Variants in FAM241A observed in about 807,000 individuals in gnomAD.
The protein encoded by FAM241A is uncharacterized protein FAM241A.
FAM241A carries 7 observed loss-of-function variants against 12.2 expected under a neutral mutation model. The observed-to-expected ratio is 0.58, with a 90% CI of 0.33 to 1.08. FAM241A has a LOEUF of 1.08. Ranked by LOEUF, FAM241A falls within the 50% of genes least tolerant of loss-of-function variation. The pLI is 0.04. For missense variants in FAM241A, 161 were observed against 169.7 expected, an observed-to-expected ratio of 0.95 and a Z score of 0.29; for synonymous variants, 74 against 68.2, an observed-to-expected ratio of 1.08 and a Z score of -0.42.
intron 1 of FAM241A, chr4:112,171,216 A>G: frequency 1.4e-6 from 1 of 708,526 alleles, no homozygotes; most frequent in Non-Finnish European, 2.6e-6. Context: ...TCCTGCAAAC[A>G]TGGTAAACAT....
chr4:112,152,877 C>G (rs1399616299), intron 1 of FAM241A, among the ~76,000 whole-genome samples: 1 of 152,178 alleles, frequency 6.6e-6, no homozygotes, highest in Non-Finnish European at 1.5e-5. Context: ...TGATGCTACC[C>G]ACCTCTTAAA....
intron 1 of FAM241A, among the ~76,000 whole-genome samples, chr4:112,161,095 G>C (rs1723457488): frequency 6.6e-6 from 1 of 152,160 alleles, no homozygotes; most frequent in Admixed American, 6.5e-5. Flanking sequence ...CAGAAATAAA[G>C]ATGTTCTTTG....
chr4:112,162,435 T>C (rs1009857059), intron 1 of FAM241A, among the ~76,000 whole-genome samples: 1 of 152,204 alleles, frequency 6.6e-6, no homozygotes, highest in South Asian at 2.1e-4. Context: ...CAAAATCTCC[T>C]TAAGCTGATA....
chr4:112,146,589 A>C (rs756586123), intron 1 of FAM241A, among the ~76,000 whole-genome samples: 4 of 152,232 alleles, frequency 2.6e-5, no homozygotes, highest in Non-Finnish European at 5.9e-5. Context: ...TTAGACTCAC[A>C]TTAAGGAGCA....
chr4:112,180,025 A>C (rs1444917496), intron 1 of FAM241A, among the ~76,000 whole-genome samples: 1 of 150,992 alleles, frequency 6.6e-6, no homozygotes, highest in African/African-American at 2.4e-5. Context: ...AGCCCTAAAA[A>C]AAAAACAGTC....
chr4:112,164,408 T>C (rs1028896735), intron 1 of FAM241A, among the ~76,000 whole-genome samples: 1 of 151,576 alleles, frequency 6.6e-6, no homozygotes, highest in Non-Finnish European at 1.5e-5. Context: ...ATGAGAACAC[T>C]TGGACACAAG....
intron 1 of FAM241A, among the ~76,000 whole-genome samples, chr4:112,173,517 G>T (rs1723763903): frequency 1.3e-5 from 2 of 152,148 alleles, no homozygotes; most frequent in South Asian, 4.1e-4. Context: ...ATGGAAAATT[G>T]CCCACTTAAT....
At chr4:112,179,922 T>TATAG (rs1560585428) in intron 1 of FAM241A, among the ~76,000 whole-genome samples, 2 of 126,174 alleles carry the variant, frequency 1.6e-5, no homozygotes, top group African/African-American at 5.8e-5. Context: ...GTGATATATA[T>TATAG]ATATATATAT....
chr4:112,160,690 A>T (rs1723446406), intron 1 of FAM241A, among the ~76,000 whole-genome samples: 1 of 152,218 alleles, frequency 6.6e-6, no homozygotes, highest in African/African-American at 2.4e-5. Flanking sequence ...ACAGTGTGGT[A>T]CTGGCATAAA....
Position 112,145,568 on chromosome 4 carries a change from A to G in FAM241A, c.-13A>G, listed in dbSNP as rs1191040954. ...TCCGGCGGCTGTCCGGGGCGGTAGG[A>G]GTTGGCTGCGGGATGTGCTCAGCCG... On this transcript the variant is annotated 5_prime_UTR_variant, in exon 1 of 2. Transcript: ENST00000309733. 43 of 1,247,098 alleles carry G rather than the reference A, an allele frequency of 3.4e-5. No homozygotes were observed. Among genetic ancestry groups the G allele is most frequent in the Non-Finnish European group, 4.0e-5 (40 of 994,418 alleles). 77.3% of individuals were successfully genotyped at this position (1,247,098 alleles called of 1,614,324 possible).
At chr4:112,161,600 A>T (rs1723470969) in intron 1 of FAM241A, among the ~76,000 whole-genome samples, 2 of 152,210 alleles carry the variant, frequency 1.3e-5, no homozygotes, top group Non-Finnish European at 2.9e-5. Context: ...CCCTCCCAAG[A>T]CTAAACCGGG....
rs1560588176 is a variant in FAM241A at position 112,191,255 on chromosome 4, C to A, written c.*4317C>A. ...TTTTACTTCTAAAAATATAATCTTT[C>A]TACTTCTATTCATTCCTAGCATCAC... On this transcript the variant is annotated 3_prime_UTR_variant, in exon 2 of 2. Transcript: ENST00000309733. The A allele has an allele frequency of 6.6e-6, 1 of 152,182 alleles. No individual in the cohort carries two copies. The highest frequency in any genetic ancestry group is 2.4e-5 in the African/African-American group (1 of 41,440). 9.4% of individuals were successfully genotyped at this position (152,182 alleles called of 1,614,324 possible).
intron 1 of FAM241A, among the ~76,000 whole-genome samples, chr4:112,157,115 T>TA (rs1448820872): frequency 6.6e-6 from 1 of 152,134 alleles, no homozygotes; most frequent in Non-Finnish European, 1.5e-5. Context: ...AAACACGTGT[T>TA]AAAGATTTTA....
At position 112,187,010 on chromosome 4, in the gene FAM241A, T is replaced by C. The variant is rs1724062269; in HGVS notation, c.*72T>C. ...ATTGAAGAAGTTATATATTTCACTTTTTGACAACCGAAAAAGTTTGCCTTG... is the reference window on the plus strand; with the variant it reads ...ATTGAAGAAGTTATATATTTCACTTCTTGACAACCGAAAAAGTTTGCCTTG... On this transcript the variant is annotated 3_prime_UTR_variant, in exon 2 of 2. Transcript: ENST00000309733. 2 of 1,520,898 alleles carry C rather than the reference T, an allele frequency of 1.3e-6. No homozygotes were observed. Among genetic ancestry groups the C allele is most frequent in the Admixed American group, 4.4e-5 (2 of 45,902 alleles). 94.2% of individuals were successfully genotyped at this position (1,520,898 alleles called of 1,614,324 possible). A position where few individuals can be genotyped will look rare whatever the true frequency, so the allele number is the denominator to read the frequency against.
At position 112,151,433 on chromosome 4, in the gene FAM241A, T is replaced by C. The variant is rs184076072; in HGVS notation, c.153+5700T>C. ...ATAAATTATCCAGTGCTATATTGTC[T>C]GTGTCTGATTTTTTTATAGCAATGG... is the stretch of plus-strand genomic sequence containing the variant. On this transcript the variant is annotated intron_variant, in intron 1 of 1. Coordinates refer to ENST00000309733, the MANE Select transcript of FAM241A (RefSeq NM_152400.3). 4.6e-5 allele frequency among the ~76,000 whole-genome samples: 7 copies of C among 152,358 alleles called. No individual in the cohort carries two copies. In the East Asian group the frequency reaches 1.3e-3, roughly 29 times the overall value.
chr4:112,173,692 A>C (rs535504026), intron 1 of FAM241A, among the ~76,000 whole-genome samples: 1 of 152,204 alleles, frequency 6.6e-6, no homozygotes. Flanking sequence ...ATCACAGTAC[A>C]TGTGAAGAAT....
At chr4:112,162,153 C>T (rs530577136) in intron 1 of FAM241A, among the ~76,000 whole-genome samples, 4 of 152,276 alleles carry the variant, frequency 2.6e-5, no homozygotes, top group African/African-American at 4.8e-5. Flanking sequence ...ATTGATGGGA[C>T]GTATCTCACA....
rs1724126592 is a variant in FAM241A at position 112,189,750 on chromosome 4, A to C, written c.*2812A>C. The C allele has an allele frequency of 1.3e-5, 2 of 151,830 alleles. No individual in the cohort carries two copies. The highest frequency in any genetic ancestry group is 2.1e-4 in the South Asian group (1 of 4,806). 9.4% of individuals were successfully genotyped at this position (151,830 alleles called of 1,614,324 possible). A position where few individuals can be genotyped will look rare whatever the true frequency, so the allele number is the denominator to read the frequency against. On this transcript the variant is annotated 3_prime_UTR_variant, in exon 2 of 2. Coordinates refer to ENST00000309733, the MANE Select transcript of FAM241A (RefSeq NM_152400.3). ...TGGCTTACAAGAGCCAACTGTGAAC[A>C]TTTTTTCTGCCTTCAGTGCTGTCAA...
At chr4:112,146,392 T>A (rs1723139027) in intron 1 of FAM241A, among the ~76,000 whole-genome samples, 1 of 152,192 alleles carries the variant, frequency 6.6e-6, no homozygotes, top group Non-Finnish European at 1.5e-5. Flanking sequence ...AAAAGAGAAG[T>A]TGCGTAATTT....
Sources: allele counts gnomAD v4.1 joint callset (sites outside exome capture counted in the v4.1 genomes callset), GRCh38; gene constraint gnomAD v4.1.1; transcripts MANE v1.5; gene names NCBI Gene and HGNC (gene_info 2026-07-23, HGNC 2026-07-21).